Variants in MTCL3 observed in about 807,000 individuals in gnomAD.
MTCL3 encodes microtubule cross-linking factor 3.
At chr6:127,515,201 A>G in the MTCL3 span, among the ~76,000 whole-genome samples, 1 of 152,056 alleles carries the variant, frequency 6.6e-6, no homozygotes, top group African/African-American at 2.4e-5. This position sits in a 1 kb window ranked among gnomAD's most constrained non-coding sequence, Gnocchi z 4.3. Flanking sequence ...ACAGAAGAGG[A>G]AACTGGGGGA....
chr6:127,509,472 G>A, the MTCL3 span, among the ~76,000 whole-genome samples: 3 of 152,240 alleles, frequency 2.0e-5, no homozygotes, highest in South Asian at 2.1e-4. Context: ...TGGTCCCAGC[G>A]GTGCTGTTCA....
the MTCL3 span, among the ~76,000 whole-genome samples, chr6:127,504,248 A>G: frequency 7.9e-3 from 1,203 of 152,294 alleles, 12 homozygotes; most frequent in South Asian, 0.028. Context: ...TGGTCTTGTG[A>G]GGACTTCATG....
chr6:127,518,326 T>A, the MTCL3 span, among the ~76,000 whole-genome samples: 1 of 152,250 alleles, frequency 6.6e-6, no homozygotes, highest in Non-Finnish European at 1.5e-5. Context: ...AACTCAGCCC[T>A]CAGACAGCAT....
chr6:127,507,841 T>C, the MTCL3 span, among the ~76,000 whole-genome samples: 1 of 33,768 alleles, frequency 3.0e-5, no homozygotes, highest in Non-Finnish European at 5.0e-5. Flanking sequence ...AGACTATGTC[T>C]CAAAAAAAAA....
the MTCL3 span, among the ~76,000 whole-genome samples, chr6:127,509,424 T>G: frequency 6.6e-6 from 1 of 152,188 alleles, no homozygotes; most frequent in Non-Finnish European, 1.5e-5. Flanking sequence ...CTAATTAAAT[T>G]TTTAGCAAAC....
chr6:127,481,627 T>C, the MTCL3 span, among the ~76,000 whole-genome samples: 2 of 145,532 alleles, frequency 1.4e-5, no homozygotes, highest in African/African-American at 4.9e-5. Context: ...ATCTATCTAA[T>C]GTGAAAAAAA....
At chr6:127,500,263 G>T in the MTCL3 span, among the ~76,000 whole-genome samples, 1 of 152,106 alleles carries the variant, frequency 6.6e-6, no homozygotes, top group Non-Finnish European at 1.5e-5. Flanking sequence ...CTTCTCCATT[G>T]CAAAATGAAT....
At chr6:127,517,991 T>G in the MTCL3 span, among the ~76,000 whole-genome samples, 2 of 152,252 alleles carry the variant, frequency 1.3e-5, no homozygotes, top group Non-Finnish European at 2.9e-5. Context: ...ATTGTTAGCA[T>G]CACAACTTAG....
the MTCL3 span, chr6:127,516,294 G>A: frequency 5.8e-6 from 9 of 1,552,834 alleles, no homozygotes; most frequent in Non-Finnish European, 7.8e-6. Flanking sequence ...TGGGCGCCAG[G>A]GGCGTCGCCT....
the MTCL3 span, chr6:127,516,346 C>T: frequency 6.3e-7 from 1 of 1,596,198 alleles, no homozygotes; most frequent in Non-Finnish European, 8.5e-7. Flanking sequence ...GGCGGGCGGC[C>T]CCGTGCGGCT....
the MTCL3 span, among the ~76,000 whole-genome samples, chr6:127,517,017 A>G: frequency 6.6e-6 from 1 of 152,204 alleles, no homozygotes. Flanking sequence ...ATATAAAAGA[A>G]AAGAGGATAA....
chr6:127,516,300 C>T, the MTCL3 span: 1 of 1,565,796 alleles, frequency 6.4e-7, no homozygotes, highest in African/African-American at 1.4e-5. Flanking sequence ...CCAGGGGCGT[C>T]GCCTTCTCGG....
At chr6:127,498,514 G>T in the MTCL3 span, among the ~76,000 whole-genome samples, 2 of 152,168 alleles carry the variant, frequency 1.3e-5, no homozygotes, top group Non-Finnish European at 2.9e-5. Flanking sequence ...TTGGAAAACA[G>T]TTGGCAGTTT....
At chr6:127,481,266 G>T in the MTCL3 span, 1 of 977,252 alleles carries the variant, frequency 1.0e-6, no homozygotes. Flanking sequence ...GAAGATTCAT[G>T]GCAACACGTG....
the MTCL3 span, among the ~76,000 whole-genome samples, chr6:127,489,688 C>G: frequency 6.6e-6 from 1 of 152,260 alleles, no homozygotes; most frequent in South Asian, 2.1e-4. Flanking sequence ...AAAGCTTAAC[C>G]CAGGGCAAGG....
the MTCL3 span, among the ~76,000 whole-genome samples, chr6:127,508,683 C>G: frequency 4.6e-5 from 7 of 152,174 alleles, no homozygotes; most frequent in Admixed American, 1.3e-4. Context: ...TTCTCATCAT[C>G]ATCATCTTAC....
chr6:127,500,051 G>T, the MTCL3 span, among the ~76,000 whole-genome samples: 5 of 152,064 alleles, frequency 3.3e-5, no homozygotes, highest in Non-Finnish European at 5.9e-5. Context: ...TTTTCTGAAT[G>T]CCTTGCCAGC....
chr6:127,501,636 T>C, the MTCL3 span, among the ~76,000 whole-genome samples: 1 of 152,188 alleles, frequency 6.6e-6, no homozygotes, highest in Non-Finnish European at 1.5e-5. Flanking sequence ...AGCCAGCAGA[T>C]CAATGTAGAA....
At chr6:127,475,620 G>T in the MTCL3 span, 1 of 1,599,770 alleles carries the variant, frequency 6.3e-7, no homozygotes, top group Non-Finnish European at 8.5e-7. This position sits in a 1 kb window ranked among gnomAD's most constrained non-coding sequence, Gnocchi z 7.3. Context: ...GCCAGGGCCC[G>T]GGCGCCGGGT....
Sources: gnomAD v4.1 joint callset for allele counts (sites outside exome capture counted in the v4.1 genomes callset) on GRCh38, gnomAD v4.1.1 for gene constraint, Gnocchi (gnomAD v3.1) non-coding constraint, MANE v1.5 for transcripts, NCBI Gene and HGNC (gene_info 2026-07-23, HGNC 2026-07-21) for gene names.